HIPK3: variants seen among roughly 807,000 people sequenced by gnomAD.
HIPK3 encodes the protein homeodomain interacting protein kinase 3.
HIPK3 carries 47 observed loss-of-function variants against 124.2 expected under a neutral mutation model. The observed-to-expected ratio is 0.38, with a 90% CI of 0.30 to 0.48. The LOEUF (loss-of-function observed/expected upper bound fraction) is 0.48, where lower values mean the gene tolerates loss of function less well. HIPK3 is among the 20% of genes least tolerant of loss of function. HIPK3 has a pLI of 0.98. For missense variants in HIPK3, 1,286 were observed against 1,454.3 expected (o/e 0.88, Z 1.88); for synonymous variants, 482 against 515.2 (o/e 0.94, Z 0.87).
chr11:33,329,856 A>G (rs1454738429), intron 3 of HIPK3, among the ~76,000 whole-genome samples: 1 of 152,238 alleles, frequency 6.6e-6, no homozygotes, highest in East Asian at 1.9e-4. Flanking sequence ...AGGCACCAGT[A>G]AAATGCTAGA....
At chr11:33,317,152 G>T (rs554596004) in intron 2 of HIPK3, among the ~76,000 whole-genome samples, 1 of 151,956 alleles carries the variant, frequency 6.6e-6, no homozygotes, top group South Asian at 2.1e-4. Context: ...TGTATTTTTA[G>T]TAGAGATGGG....
chr11:33,286,656 G>A lies in HIPK3; in HGVS notation c.242G>A (p.Ser81Asn), dbSNP rs151214053. Reference sequence around the variant, plus strand: ...GGACACAACTTTTCATTGCAGACAAGTGCTGTTGTTTTGAAAAACACTGCA... The same window carrying A: ...GGACACAACTTTTCATTGCAGACAAATGCTGTTGTTTTGAAAAACACTGCA... ...PRGHNFSLQT[S>N]AVVLKNTAGA... is the part of the protein sequence containing the mutation. Residue 81 changes from serine to asparagine, a missense_variant, in exon 2 of 17, where the codon AGT becomes AAT. Around this residue, in one of 3 missense-constraint regions of HIPK3, gnomAD observed 225 missense variants for 240.3 expected, o/e 0.94. Coordinates refer to ENST00000303296, the MANE Select transcript of HIPK3 (RefSeq NM_005734.5). 5.0e-5 allele frequency: 81 copies of A among 1,614,024 alleles called. No individual in the cohort carries two copies. Among genetic ancestry groups the A allele is most frequent in the Non-Finnish European group, 6.7e-5 (79 of 1,180,034 alleles).
intron 2 of HIPK3, among the ~76,000 whole-genome samples, chr11:33,319,397 G>A (rs765961850): frequency 6.6e-5 from 10 of 151,878 alleles, no homozygotes; most frequent in Non-Finnish European, 1.3e-4. Context: ...TTGGGAGGCT[G>A]AGGCAGGAGA....
intron 2 of HIPK3, among the ~76,000 whole-genome samples, chr11:33,292,769 TC>T (rs1851732763): frequency 6.6e-6 from 1 of 152,176 alleles, no homozygotes; most frequent in Admixed American, 6.5e-5. Flanking sequence ...GGAGTCTCGC[TC>T]TGTTGCCCAG....
intron 1 of HIPK3, among the ~76,000 whole-genome samples, chr11:33,263,339 CAG>C (rs1379216782): frequency 6.6e-6 from 1 of 152,076 alleles, no homozygotes; most frequent in Non-Finnish European, 1.5e-5. Flanking sequence ...ATTTTTGAGA[CAG>C]GGCCTCGCTC....
chr11:33,286,866 C>T lies in HIPK3; in HGVS notation c.452C>T (p.Pro151Leu). The change falls in exon 2 of 17, where the codon CCT becomes CTT. Residue 151 changes from proline to leucine, a missense_variant. By Grantham distance (98) the Pro-to-Leu change is moderately conservative (BLOSUM62 -3). Around this residue, in one of 3 missense-constraint regions of HIPK3, gnomAD observed 225 missense variants for 240.3 expected, o/e 0.94. Transcript: ENST00000303296. ...MQIVDELSIL[P>L]AMLQTNMGNP... ...ATTGTCGATGAATTGTCCATACTTC[C>T]TGCAATGTTGCAAACCAACATGGGA... 1 of 1,614,114 alleles carries T rather than the reference C, an allele frequency of 6.2e-7. No homozygotes were observed. The highest frequency in any genetic ancestry group is 8.5e-7 in the Non-Finnish European group (1 of 1,180,002).
rs115101878 is a variant in HIPK3, at chr11:33,323,072, G to A, written c.1098-5438G>A. Among the ~76,000 whole-genome samples, 1,332 of 152,154 alleles carry A rather than the reference G, an allele frequency of 8.8e-3. 20 individuals are homozygous for A. The highest frequency in any genetic ancestry group is 0.03 in the African/African-American group (1,245 of 41,516). ...GACAAAAAGTAGAAACAACCCAAAT[G>A]TCCATTACCCGATGAATGGATAAAT... On this transcript the variant is annotated intron_variant, in intron 2 of 16. Transcript: ENST00000303296.
chr11:33,283,538 G>T (rs1851467498), intron 1 of HIPK3, among the ~76,000 whole-genome samples: 2 of 152,308 alleles, frequency 1.3e-5, no homozygotes, highest in Admixed American at 1.3e-4. Context: ...CTGTGCACAA[G>T]AAAACTTGTA....
intron 2 of HIPK3, among the ~76,000 whole-genome samples, chr11:33,295,903 A>G (rs1350316505): frequency 1.3e-5 from 2 of 152,196 alleles, no homozygotes; most frequent in Non-Finnish European, 2.9e-5. Context: ...TAAGTACAAT[A>G]TCTTGTGGAG....
At position 33,317,274 on chromosome 11, in the gene HIPK3, ATTTT is replaced by A. The variant is rs3028961; in HGVS notation, c.1098-11219_1098-11216del. On this transcript the variant is annotated intron_variant, in intron 2 of 16. Transcript: ENST00000303296. ...GGCGTGAGCCACTGTGCCTGGCCCT[ATTTT>A]TTTTTTTTTTTTTTTTGAGTCTTGC... Among the ~76,000 whole-genome samples, 172 of 102,214 alleles carry A rather than the reference ATTTT, an allele frequency of 1.7e-3. 1 individual carries two copies. The highest frequency in any genetic ancestry group is 6.1e-3 in the African/African-American group (152 of 24,838). 67.1% of individuals were successfully genotyped at this position (102,214 alleles called of 152,430 possible). A position where few individuals can be genotyped will look rare whatever the true frequency, so the allele number is the denominator to read the frequency against.
intron 2 of HIPK3, among the ~76,000 whole-genome samples, chr11:33,308,210 A>G (rs1852221391): frequency 6.6e-6 from 1 of 152,170 alleles, no homozygotes; most frequent in African/African-American, 2.4e-5. Flanking sequence ...ATATTCATGA[A>G]TCAGATGACC....
intron 2 of HIPK3, among the ~76,000 whole-genome samples, chr11:33,303,300 A>G (rs1181132050): frequency 6.6e-6 from 1 of 152,160 alleles, no homozygotes; most frequent in Non-Finnish European, 1.5e-5. Flanking sequence ...ATTATACTGT[A>G]TTGTTTAGGG....
Position 33,286,672 on chromosome 11 carries a change from A to G in HIPK3, c.258A>G (p.Lys86=), listed in dbSNP as rs1311526521. 1.2e-6 allele frequency: 2 copies of G among 1,614,154 alleles called. No homozygotes were observed. Among genetic ancestry groups the G allele is most frequent in the Admixed American group, 3.3e-5 (2 of 60,016 alleles). Residue 86 remains lysine (K), a synonymous_variant, in exon 2 of 17, where the codon AAA becomes AAG. Transcript: ENST00000303296. ...TGCAGACAAGTGCTGTTGTTTTGAAAAACACTGCAGGTGCTACAAAGGTCA... is the reference window on the plus strand; with the variant it reads ...TGCAGACAAGTGCTGTTGTTTTGAAGAACACTGCAGGTGCTACAAAGGTCA... ...FSLQTSAVVL[K]NTAGATKVIA...
Position 33,328,609 on chromosome 11 carries a change from C to T in HIPK3, c.1197C>T (p.Tyr399=). Residue 399 remains tyrosine (Y), a synonymous_variant, in exon 3 of 17, where the codon TAC becomes TAT. Coordinates refer to ENST00000303296, the MANE Select transcript of HIPK3 (RefSeq NM_005734.5). ...IAELFLGWPL[Y]PGALEYDQIR... is the part of the protein sequence containing the mutation. ...AATTATTTCTTGGATGGCCGCTCTA[C>T]CCAGGAGCCTTGGAGTATGATCAGG... 1 of 1,613,416 alleles carries T rather than the reference C, an allele frequency of 6.2e-7. No homozygotes were observed. Among genetic ancestry groups the T allele is most frequent in the Non-Finnish European group, 8.5e-7 (1 of 1,179,514 alleles).
At chr11:33,281,058 CTTTTTTTTT>C (rs56902582) in intron 1 of HIPK3, among the ~76,000 whole-genome samples, 1,214 of 111,782 alleles carry the variant, frequency 0.011, 25 homozygotes, top group South Asian at 0.023. Flanking sequence ...ACTTATTTGA[CTTTTTTTTT>C]TTTTTTTTTT....
chr11:33,285,548 G>A (rs1851523476), intron 1 of HIPK3, among the ~76,000 whole-genome samples: 1 of 133,776 alleles, frequency 7.5e-6, no homozygotes, highest in African/African-American at 2.9e-5. Context: ...CATAGGTGGG[G>A]CATAGCGAAA....
intron 2 of HIPK3, among the ~76,000 whole-genome samples, chr11:33,294,329 A>T (rs1275621526): frequency 6.6e-6 from 1 of 152,096 alleles, no homozygotes; most frequent in East Asian, 1.9e-4. Context: ...GATTCCTGTT[A>T]TCCTTCATGC....
intron 4 of HIPK3, among the ~76,000 whole-genome samples, chr11:33,337,510 C>T (rs1407990217): frequency 1.3e-5 from 2 of 151,786 alleles, no homozygotes; most frequent in Non-Finnish European, 2.9e-5. Flanking sequence ...CTTGCACCAC[C>T]ATGCCCGGCT....
rs551805252 is a variant in HIPK3, at chr11:33,333,160, C to T, written c.1222-3915C>T. 2.2e-4 allele frequency among the ~76,000 whole-genome samples: 33 copies of T among 152,254 alleles called. 1 individual carries two copies. The highest frequency in any genetic ancestry group is 1.0e-3 in the South Asian group (5 of 4,816). ...GAGGGGACAAACATTCAAACTATAT[C>T]AGTGGACTATCACAAGGATCTAAGA... On this transcript the variant is annotated intron_variant, in intron 3 of 16. Transcript: ENST00000303296.
Sources: gnomAD v4.1 joint callset for allele counts (sites outside exome capture counted in the v4.1 genomes callset) on GRCh38, gnomAD v4.1.1 for gene constraint, gnomAD v4.1.1 regional missense constraint, MANE v1.5 for transcripts, NCBI Gene and HGNC (gene_info 2026-07-23, HGNC 2026-07-21) for gene names.